Variants in KCNQ1 observed in about 807,000 individuals in gnomAD.
KCNQ1 encodes potassium voltage-gated channel subfamily KQT member 1.
A neutral mutation model predicts 72.4 loss-of-function variants in KCNQ1; 49 were observed. The ratio of observed to expected loss-of-function variants is 0.68; its 90% CI spans 0.54 to 0.86. The LOEUF (loss-of-function observed/expected upper bound fraction) is 0.86, where lower values mean the gene tolerates loss of function less well. KCNQ1 is among the 40% of genes least tolerant of loss of function. KCNQ1 has a pLI of 0.00. For synonymous variants in KCNQ1, 450 were observed against 412.6 expected (o/e 1.09, Z -1.10); for missense variants, 790 against 945.1 (o/e 0.84, Z 2.15).
rs905501661 is a variant in KCNQ1 at position 2,679,501 on chromosome 11, G to A, written c.1514+17420G>A. On this transcript the variant is annotated intron_variant, in intron 11 of 15. Transcript: ENST00000155840. This position sits in a 1 kb window ranked among gnomAD's most constrained non-coding sequence, Gnocchi z 4.8. The stretch of plus-strand genomic sequence containing the variant: ...GTGCCTGTCCTATAGTAGTGACACA[G>A]TGTTACTTAAATGTATTGCTATACC... The A allele has an allele frequency of 7.5e-6, 3 of 398,430 alleles. No individual in the cohort carries two copies. The highest frequency in any genetic ancestry group is 1.3e-4 in the South Asian group (1 of 7,856). The allele number at this position is 398,430 out of a possible 1,614,324, so 24.7% of individuals were successfully genotyped here.
intron 1 of KCNQ1, among the ~76,000 whole-genome samples, chr11:2,487,672 T>C (rs138442151): frequency 0.018 from 2,802 of 152,320 alleles, 41 homozygotes; most frequent in South Asian, 0.053. Flanking sequence ...GATTGTTCAT[T>C]GTTAGCATAT....
At chr11:2,777,920 G>C in intron 14 of KCNQ1, 56 bp from the exon 15 acceptor site, 1 of 1,553,362 alleles carries the variant, frequency 6.4e-7, no homozygotes, top group Non-Finnish European at 8.9e-7. Context: ...AGCCCAGCTG[G>C]GGTCCCCGGC....
rs1060503983 is a variant in KCNQ1 at position 2,571,329 on chromosome 11, C to T, written c.609C>T (p.Leu203=). ...FARKPISIID[L]IVVVASMVVL... ...CCCCTCTCCTGCACTCCACAGACCT[C>T]ATCGTGGTCGTGGCCTCCATGGTGG... Residue 203 remains leucine, a synonymous_variant, in exon 4 of 16, where the codon CTC becomes CTT. Transcript: ENST00000155840. 6.2e-7 allele frequency: 1 copy of T among 1,613,266 alleles called. No homozygotes were observed. The highest frequency in any genetic ancestry group is 2.2e-5 in the East Asian group (1 of 44,870).
chr11:2,830,839 G>C lies in KCNQ1; in HGVS notation c.1795-16928G>C, dbSNP rs1847932674. On this transcript the variant is annotated intron_variant, in intron 15 of 15. Transcript: ENST00000155840. This position sits in a 1 kb window ranked among gnomAD's most constrained non-coding sequence, Gnocchi z 7.7. ...CCCATCATCAGGTAACCCAGCACAG[G>C]CTGGCCCAACCCCTCTCTAGGCCTC... Among the ~76,000 whole-genome samples, 1 of 152,176 alleles carries C rather than the reference G, an allele frequency of 6.6e-6. No individual in the cohort carries two copies. The highest frequency in any genetic ancestry group is 6.5e-5 in the Admixed American group (1 of 15,290).
At chr11:2,469,874 G>A (rs1253169163) in intron 1 of KCNQ1, among the ~76,000 whole-genome samples, 1 of 147,880 alleles carries the variant, frequency 6.8e-6, no homozygotes, top group Admixed American at 6.7e-5. Flanking sequence ...GGGTTTCACC[G>A]TGGTCTCCAT....
chr11:2,553,776 C>T (rs1245624092), intron 2 of KCNQ1, among the ~76,000 whole-genome samples: 3 of 151,924 alleles, frequency 2.0e-5, no homozygotes, highest in African/African-American at 4.8e-5. Context: ...AGCGCAATGG[C>T]GTGATCTCGG....
At position 2,484,774 on chromosome 11, in the gene KCNQ1, G is replaced by A. The variant is rs1051576204; in HGVS notation, c.386+39290G>A. Among the ~76,000 whole-genome samples the A allele has an allele frequency of 2.6e-5, 4 of 152,314 alleles. No homozygotes were observed. The highest frequency in any genetic ancestry group is 9.6e-5 in the African/African-American group (4 of 41,568). On this transcript the variant is annotated intron_variant, in intron 1 of 15. Coordinates refer to ENST00000155840, the MANE Select transcript of KCNQ1 (RefSeq NM_000218.3). This position sits in a 1 kb window ranked among gnomAD's most constrained non-coding sequence, Gnocchi z 5.2. Reference sequence around the variant, plus strand: ...CGGCCGACGGAGCTGGGGAATATGTGTATGGCACCCCCACGTCTACGCTTC... The same window carrying A: ...CGGCCGACGGAGCTGGGGAATATGTATATGGCACCCCCACGTCTACGCTTC...
At position 2,484,718 on chromosome 11, in the gene KCNQ1, G is replaced by A. The variant is rs1041924360; in HGVS notation, c.386+39234G>A. ...GGCCTGGGTGCATGGTGTGCTCATCGCCACTGTGGACCTGCTGCTCTGCGC... is the reference window on the plus strand; with the variant it reads ...GGCCTGGGTGCATGGTGTGCTCATCACCACTGTGGACCTGCTGCTCTGCGC... On this transcript the variant is annotated intron_variant, in intron 1 of 15. Transcript: ENST00000155840. This position sits in a 1 kb window ranked among gnomAD's most constrained non-coding sequence, Gnocchi z 5.2. Among the ~76,000 whole-genome samples the A allele has an allele frequency of 6.6e-6, 1 of 152,118 alleles. No individual in the cohort carries two copies. Among genetic ancestry groups the A allele is most frequent in the African/African-American group, 2.4e-5 (1 of 41,426 alleles).
Position 2,493,427 on chromosome 11 carries a change from T to C in KCNQ1, c.387-34501T>C, listed in dbSNP as rs1012689936. On this transcript the variant is annotated intron_variant, in intron 1 of 15. Transcript: ENST00000155840. This position sits in a 1 kb window ranked among gnomAD's most constrained non-coding sequence, Gnocchi z 5.3. ...GTTTTAGTCATGAAGTCCTTGCCCATGCCTATGTCCTGAATGGTATTGCCT... is the reference window on the plus strand; with the variant it reads ...GTTTTAGTCATGAAGTCCTTGCCCACGCCTATGTCCTGAATGGTATTGCCT... Among the ~76,000 whole-genome samples, 2 of 152,358 alleles carry C rather than the reference T, an allele frequency of 1.3e-5. No individual in the cohort carries two copies. Among genetic ancestry groups the C allele is most frequent in the South Asian group, 4.1e-4 (2 of 4,832 alleles).
In KCNQ1 at chr11:2,507,332, C is replaced by G. The variant is rs1847121964; in HGVS notation, c.387-20596C>G. ...AGGCCCCTCTGGCCTCTAAGTGGAG[C>G]ATGGAGTGTGGGGTCATCGGGCAGG... On this transcript the variant is annotated intron_variant, in intron 1 of 15. Transcript: ENST00000155840. This position sits in a 1 kb window ranked among gnomAD's most constrained non-coding sequence, Gnocchi z 5.4. Among the ~76,000 whole-genome samples the G allele has an allele frequency of 6.6e-6, 1 of 152,132 alleles. No individual in the cohort carries two copies. Among genetic ancestry groups the G allele is most frequent in the African/African-American group, 2.4e-5 (1 of 41,414 alleles).
chr11:2,591,662 G>A (rs1848672281), intron 10 of KCNQ1, among the ~76,000 whole-genome samples: 1 of 152,262 alleles, frequency 6.6e-6, no homozygotes, highest in Non-Finnish European at 1.5e-5. Context: ...CGTCCATTCA[G>A]CCTGGTTAGT....
At chr11:2,557,598 C>G (rs1383224124) in intron 2 of KCNQ1, among the ~76,000 whole-genome samples, 3 of 152,236 alleles carry the variant, frequency 2.0e-5, no homozygotes, top group African/African-American at 7.2e-5. Context: ...CATCTCCCCT[C>G]TGCATAGTAT....
chr11:2,717,086 C>A (rs1851105354), intron 11 of KCNQ1, among the ~76,000 whole-genome samples: 1 of 152,184 alleles, frequency 6.6e-6, no homozygotes, highest in African/African-American at 2.4e-5. Context: ...CATGAAGTGG[C>A]CGGGGCTCTG....
chr11:2,578,314 C>T (rs767827575), intron 6 of KCNQ1, among the ~76,000 whole-genome samples: 9 of 152,228 alleles, frequency 5.9e-5, no homozygotes, highest in Non-Finnish European at 1.3e-4. Context: ...GGTGCCAGCC[C>T]AGCCTTGCCA....
At chr11:2,726,958 C>CCCTG (rs1188409862) in intron 11 of KCNQ1, among the ~76,000 whole-genome samples, 9 of 152,324 alleles carry the variant, frequency 5.9e-5, no homozygotes, top group Non-Finnish European at 1.3e-4. Flanking sequence ...CAAGCCCTGT[C>CCCTG]CCTGCCCCCA....
chr11:2,840,198 A>C (rs566937345), intron 15 of KCNQ1: 2 of 148,854 alleles, frequency 1.3e-5, no homozygotes, highest in South Asian at 4.1e-4. Flanking sequence ...AAAGATATTC[A>C]TTCAGCATAA....
chr11:2,796,222 A>C (rs549712633), intron 15 of KCNQ1, among the ~76,000 whole-genome samples: 20 of 152,166 alleles, frequency 1.3e-4, no homozygotes, highest in Non-Finnish European at 2.4e-4. Context: ...TCCATGTCCC[A>C]CCAGAAGCCA....
At chr11:2,672,858 G>A (rs932793035) in intron 11 of KCNQ1, 25 of 398,676 alleles carry the variant, frequency 6.3e-5, no homozygotes, top group Non-Finnish European at 2.7e-5. Flanking sequence ...TTTCTTGAGT[G>A]TCATACCCTA....
At chr11:2,847,322 T>G (rs1848350767) in intron 15 of KCNQ1, among the ~76,000 whole-genome samples, 1 of 152,190 alleles carries the variant, frequency 6.6e-6, no homozygotes, top group Non-Finnish European at 1.5e-5. Context: ...CCCCAGCCTT[T>G]CTTGACCCTT....
Sources: gnomAD v4.1 joint callset for allele counts (sites outside exome capture counted in the v4.1 genomes callset) on GRCh38, gnomAD v4.1.1 for gene constraint, Gnocchi (gnomAD v3.1) non-coding constraint, MANE v1.5 for transcripts, NCBI Gene and HGNC (gene_info 2026-07-23, HGNC 2026-07-21) for gene names.